The following MARK4 variants were observed in gnomAD, a reference collection of about 807,000 sequenced individuals.
MARK4 encodes the protein MAP/microtubule affinity-regulating kinase 4.
In MARK4, 19 loss-of-function variants were observed where a neutral mutation model predicts 81.5. The ratio of observed to expected loss-of-function variants is 0.23; its 90% CI spans 0.16 to 0.34. The LOEUF is 0.34. Ranked by LOEUF, MARK4 falls within the 10% of genes least tolerant of loss-of-function variation. The probability of loss-of-function intolerance (pLI) is 1.00; values close to 1 mark genes in which losing one functional copy is unlikely to be tolerated. For missense variants in MARK4, 772 were observed against 1,058.8 expected, an observed-to-expected ratio of 0.73 and a Z score of 3.76; for synonymous variants, 436 against 439.0, an observed-to-expected ratio of 0.99 and a Z score of 0.08.
At chr19:45,254,795 G>T (rs1970286993) in intron 1 of MARK4, among the ~76,000 whole-genome samples, 1 of 152,178 alleles carries the variant, frequency 6.6e-6, no homozygotes, top group Non-Finnish European at 1.5e-5. Flanking sequence ...CCTCTCCAAG[G>T]CTCAGTTTCT....
At chr19:45,282,417 C>T (rs1970687746) in intron 12 of MARK4, among the ~76,000 whole-genome samples, 1 of 152,022 alleles carries the variant, frequency 6.6e-6, no homozygotes, top group African/African-American at 2.4e-5. Flanking sequence ...TCAGGCCGGG[C>T]ATGGTGGCTC....
At chr19:45,259,286 T>C (rs1970350440) in intron 2 of MARK4, 97 bp downstream of exon 2, 1 of 1,396,486 alleles carries the variant, frequency 7.2e-7, no homozygotes, top group Non-Finnish European at 9.7e-7. Flanking sequence ...TGGGTTTGCT[T>C]TGTGGCCTCA....
intron 1 of MARK4, among the ~76,000 whole-genome samples, chr19:45,254,927 G>T (rs1238861288): frequency 6.6e-6 from 1 of 152,192 alleles, no homozygotes; most frequent in South Asian, 2.1e-4. Context: ...ATGACCCAGC[G>T]TGGTAGCTCA....
At chr19:45,272,674 G>A (rs1326303811) in intron 8 of MARK4, among the ~76,000 whole-genome samples, 3 of 152,128 alleles carry the variant, frequency 2.0e-5, no homozygotes, top group African/African-American at 7.2e-5. Context: ...GATCACCTGA[G>A]GTCAGGAGTT....
At chr19:45,256,397 A>G (rs1970308378) in intron 1 of MARK4, among the ~76,000 whole-genome samples, 1 of 152,224 alleles carries the variant, frequency 6.6e-6, no homozygotes, top group Non-Finnish European at 1.5e-5. Flanking sequence ...AGACTGGGCC[A>G]CTGCACTCCA....
intron 1 of MARK4, among the ~76,000 whole-genome samples, chr19:45,253,459 G>T (rs973936335): frequency 1.1e-4 from 17 of 152,088 alleles, no homozygotes; most frequent in African/African-American, 4.1e-4. Flanking sequence ...TCAGTTTCCT[G>T]CCCTGGAAAA....
Position 45,280,456 on chromosome 19 carries a change from C to G in MARK4, c.1089C>G (p.Thr363=). ...AGAAGTACAACGAAGTGACCGCCAC[C>G]TACCTCCTGCTGGGCAGGAAGACTG... The part of the protein sequence containing the change: ...TSQKYNEVTA[T]YLLLGRKTEE... Residue 363 remains threonine (T), a synonymous_variant, in exon 11 of 17, where the codon ACC becomes ACG. Transcript: ENST00000262891. The G allele has an allele frequency of 6.2e-7, 1 of 1,614,180 alleles. No homozygotes were observed. Among genetic ancestry groups the G allele is most frequent in the Non-Finnish European group, 8.5e-7 (1 of 1,180,032 alleles).
chr19:45,280,490 G>A lies in MARK4; in HGVS notation c.1116+7G>A. 6.2e-7 allele frequency: 1 copy of A among 1,614,118 alleles called. No homozygotes were observed. Among genetic ancestry groups the A allele is most frequent in the Non-Finnish European group, 8.5e-7 (1 of 1,179,978 alleles). ...GCTGGGCAGGAAGACTGAGGTCAGG[G>A]GGCGCCAGGGGCCCTTGGGGACGCG... On this transcript the variant is annotated splice_region_variant and intron_variant, in intron 11 of 16. Transcript: ENST00000262891.
Position 45,259,051 on chromosome 19 carries a change from G to C in MARK4, c.114G>C (p.Leu38=), listed in dbSNP as rs763301711. The C allele has an allele frequency of 6.8e-6, 11 of 1,613,872 alleles. No homozygotes were observed. Among genetic ancestry groups the C allele is most frequent in the Admixed American group, 1.7e-5 (1 of 59,986 alleles). ...GCCCGTCCTGGTCCAGCCGCTCACT[G>C]GGTGCCCGTTGCCGGAACTCCATCG... ...DKGPSWSSRS[L]GARCRNSIAS... Residue 38 remains leucine (L), a synonymous_variant, in exon 2 of 17, where the codon CTG becomes CTC. Transcript: ENST00000262891.
In MARK4 at chr19:45,263,234, C is replaced by T. The variant is rs1012398939; in HGVS notation, c.306+68C>T. The T allele has an allele frequency of 8.1e-6, 13 of 1,613,314 alleles. No individual in the cohort carries two copies. The African/African-American group carries it at 1.3e-4, about 17-fold the overall frequency. On this transcript the variant is annotated intron_variant, in intron 3 of 16. Coordinates refer to ENST00000262891, the MANE Select transcript of MARK4 (RefSeq NM_001199867.2). ...GCACAGCCGGGTGACCCACCTGACCCTTCCTGCGGGGGCCCGGCTGGGGAA... is the reference window on the plus strand; with the variant it reads ...GCACAGCCGGGTGACCCACCTGACCTTTCCTGCGGGGGCCCGGCTGGGGAA...
At chr19:45,277,709 C>T (rs1970616691) in intron 8 of MARK4, among the ~76,000 whole-genome samples, 1 of 151,746 alleles carries the variant, frequency 6.6e-6, no homozygotes, top group East Asian at 1.9e-4. Context: ...TATGATGTTC[C>T]CATTTTATGG....
At chr19:45,283,394 A>G (rs1970701912) in intron 12 of MARK4, among the ~76,000 whole-genome samples, 1 of 135,850 alleles carries the variant, frequency 7.4e-6, no homozygotes, top group Non-Finnish European at 1.5e-5. Flanking sequence ...GGGCGATAAG[A>G]GTGAGACTTC....
chr19:45,287,905 T>C, intron 13 of MARK4: 1 of 585,494 alleles, frequency 1.7e-6, no homozygotes, highest in African/African-American at 1.9e-5. Context: ...AACGTACTCT[T>C]GGCAGAAAGG....
intron 16 of MARK4, among the ~76,000 whole-genome samples, chr19:45,300,931 C>T (rs753399396): frequency 7.2e-5 from 11 of 151,950 alleles, no homozygotes; most frequent in Non-Finnish European, 1.3e-4. Context: ...AGCTGAGGGG[C>T]GGCCCCACCG....
At chr19:45,287,997 G>A (rs1970769367) in intron 13 of MARK4, 1 of 337,314 alleles carries the variant, frequency 3.0e-6, no homozygotes, top group African/African-American at 2.1e-5. Context: ...CTGGCATTTT[G>A]GGAGGCCGAG....
chr19:45,298,286 T>C (rs1490051066), intron 15 of MARK4: 4 of 1,536,778 alleles, frequency 2.6e-6, no homozygotes, highest in Non-Finnish European at 3.6e-6. Flanking sequence ...CTGACCTGTG[T>C]GTGCGGGCAT....
At chr19:45,269,690 C>T (rs1970500315) in intron 7 of MARK4, among the ~76,000 whole-genome samples, 1 of 152,138 alleles carries the variant, frequency 6.6e-6, no homozygotes, top group South Asian at 2.1e-4. Flanking sequence ...ACTGTGGAAA[C>T]GGGTGGCCTT....
In MARK4 at chr19:45,263,324, C is replaced by T; in HGVS notation, c.312C>T (p.Phe104=). ...QLNPSSLQKL[F]REVRIMKGLN... is the part of the protein sequence containing the mutation. The stretch of plus-strand genomic sequence containing the variant: ...TCCTTTCTGGCCACGCCCAGCTGTT[C>T]CGAGAAGTCCGCATCATGAAGGGCC... Residue 104 remains phenylalanine, a synonymous_variant, in exon 4 of 17, where the codon TTC becomes TTT. Coordinates refer to ENST00000262891, the MANE Select transcript of MARK4 (RefSeq NM_001199867.2). 1.9e-6 allele frequency: 3 copies of T among 1,614,200 alleles called. No homozygotes were observed. The highest frequency in any genetic ancestry group is 2.5e-6 in the Non-Finnish European group (3 of 1,180,020).
intron 16 of MARK4, 58 bp downstream of exon 16, chr19:45,299,913 C>A: frequency 1.3e-6 from 2 of 1,530,974 alleles, no homozygotes; most frequent in East Asian, 2.4e-5. Context: ...CAGCACCTCC[C>A]GACACTTACC....
Sources: gnomAD v4.1 joint callset for allele counts (sites outside exome capture counted in the v4.1 genomes callset) on GRCh38, gnomAD v4.1.1 for gene constraint, MANE v1.5 for transcripts, NCBI Gene and HGNC (gene_info 2026-07-23, HGNC 2026-07-21) for gene names.